CLCN7: variants seen among roughly 807,000 people sequenced by gnomAD.
CLCN7 encodes Cl-/H+ antiporter 7.
A neutral mutation model predicts 102.1 loss-of-function variants in CLCN7; 60 were observed. The ratio of observed to expected loss-of-function variants is 0.59; its 90% CI spans 0.48 to 0.73. CLCN7 has a LOEUF of 0.73. CLCN7 is among the 30% of genes least tolerant of loss of function. CLCN7 has a pLI of 0.00. For synonymous variants in CLCN7, 560 were observed against 490.5 expected (o/e 1.14, Z -1.87); for missense variants, 962 against 1,125.7 (o/e 0.85, Z 2.08).
Position 1,447,693 on chromosome 16 carries a change from T to C in CLCN7, c.2035A>G (p.Ile679Val). 6.4e-7 allele frequency: 1 copy of C among 1,556,294 alleles called. No homozygotes were observed. The highest frequency in any genetic ancestry group is 8.7e-7 in the Non-Finnish European group (1 of 1,150,536). ...AGAACGATGAGCTGGGAGCGCAGGATCAGGCCCTGGAGCCGGGCAGGCTGC... is the reference window on the plus strand; with the variant it reads ...AGAACGATGAGCTGGGAGCGCAGGACCAGGCCCTGGAGCCGGGCAGGCTGC... ...DTQPARLQGL[I>V]LRSQLIVLLK... The change falls in exon 22 of 25, where the codon ATC becomes GTC. Residue 679 changes from isoleucine (I) to valine (V), a missense_variant. By Grantham distance (29) the Ile-to-Val change is conservative. This residue lies in a region of CLCN7 where 799 missense variants were observed against 988.0 expected (regional missense o/e 0.81). Coordinates refer to ENST00000382745, the MANE Select transcript of CLCN7 (RefSeq NM_001287.6).
chr16:1,472,375 C>G (rs1596232263), intron 1 of CLCN7, among the ~76,000 whole-genome samples: 1 of 152,164 alleles, frequency 6.6e-6, no homozygotes, highest in South Asian at 2.1e-4. Flanking sequence ...GGATTACAGG[C>G]GCTCACCACT....
chr16:1,452,664 G>GCC, intron 15 of CLCN7, 91 bp downstream of exon 15: 1 of 1,387,120 alleles, frequency 7.2e-7, no homozygotes, highest in Non-Finnish European at 9.8e-7. Flanking sequence ...GGCGGGGTGG[G>GCC]CAGCCCTCCT....
intron 16 of CLCN7, 54 bp from the exon 17 acceptor site, chr16:1,450,720 TGC>T: frequency 8.1e-7 from 1 of 1,228,480 alleles, no homozygotes; most frequent in Non-Finnish European, 1.1e-6. Context: ...TCCGCAGGAC[TGC>T]CCTGCCCCGC....
intron 1 of CLCN7, chr16:1,472,834 C>G (rs972094203): frequency 2.3e-4 from 34 of 149,320 alleles, no homozygotes; most frequent in African/African-American, 7.8e-4. Context: ...AAAAAAGCAC[C>G]TCACTGCAGC....
chr16:1,464,059 T>C (rs1275541426), intron 2 of CLCN7, among the ~76,000 whole-genome samples: 1 of 151,952 alleles, frequency 6.6e-6, no homozygotes, highest in East Asian at 1.9e-4. Context: ...ACGAATCACC[T>C]CCCTTGGCCA....
intron 21 of CLCN7, 52 bp from the exon 22 acceptor site, chr16:1,447,766 G>A (rs762311049): frequency 2.4e-5 from 36 of 1,526,754 alleles, no homozygotes; most frequent in East Asian, 7.4e-5. Flanking sequence ...GGGAGGCTGC[G>A]CTGGAATGCT....
chr16:1,447,748 C>T, intron 21 of CLCN7, 34 bp from the exon 22 acceptor site: 4 of 1,547,860 alleles, frequency 2.6e-6, no homozygotes, highest in Non-Finnish European at 3.5e-6. Flanking sequence ...GGCCACGGGC[C>T]CGAGGGTGGG....
At chr16:1,467,942 G>C (rs1321754612) in intron 1 of CLCN7, 1 of 152,214 alleles carries the variant, frequency 6.6e-6, no homozygotes, top group Non-Finnish European at 1.5e-5. Context: ...AATCAGCAAG[G>C]CATGGTGGCG....
At chr16:1,472,333 C>T (rs917209405) in intron 1 of CLCN7, among the ~76,000 whole-genome samples, 9 of 152,204 alleles carry the variant, frequency 5.9e-5, no homozygotes, top group Admixed American at 1.3e-4. Context: ...TGGGTTCAAG[C>T]GATTCTCCTG....
rs1028581657 is a variant in CLCN7, at chr16:1,460,906, G to A, written c.394C>T (p.Leu132Phe). 1.9e-6 allele frequency: 3 copies of A among 1,613,954 alleles called. No individual in the cohort carries two copies. Among genetic ancestry groups the A allele is most frequent in the Non-Finnish European group, 2.5e-6 (3 of 1,179,944 alleles). The change falls in exon 5 of 25, where the codon CTC becomes TTC. Residue 132 changes from leucine to phenylalanine, a missense_variant. By Grantham distance (22) the Leu-to-Phe change is conservative (BLOSUM62 0). Coordinates refer to ENST00000382745, the MANE Select transcript of CLCN7 (RefSeq NM_001287.6). ...VEIKRWVICA[L>F]IGILTGLVAC... ...ACGAGGCCCGTGAGGATCCCAATGA[G>A]GGCGCAGATGACCCAGCGCTTGATC... is the stretch of plus-strand genomic sequence containing the variant.
chr16:1,449,203 C>A (rs991897620), intron 18 of CLCN7, 73 bp downstream of exon 18: 125 of 1,573,042 alleles, frequency 7.9e-5, no homozygotes, highest in Non-Finnish European at 1.0e-4. Flanking sequence ...AGACCCTAGC[C>A]CCGCAAGGAC....
At position 1,461,393 on chromosome 16, in the gene CLCN7, C is replaced by T. The variant is rs371035809; in HGVS notation, c.351+12G>A. 3.4e-5 allele frequency: 52 copies of T among 1,547,870 alleles called. No individual in the cohort carries two copies. The highest frequency in any genetic ancestry group is 2.3e-4 in the Middle Eastern group (1 of 4,388). On this transcript the variant is annotated intron_variant, in intron 4 of 24. Transcript: ENST00000382745. ...CACCGTGGGGCCCTGCAGGGAGCGG[C>T]GTCCAGCTCACCGTGTGATTGATCC...
At chr16:1,473,108 GGCATAC>G (rs2039099888) in intron 1 of CLCN7, among the ~76,000 whole-genome samples, 1 of 150,300 alleles carries the variant, frequency 6.7e-6, no homozygotes, top group Admixed American at 6.7e-5. Flanking sequence ...CACACACAGA[GGCATAC>G]ACATACACAC....
chr16:1,461,730 G>C, intron 2 of CLCN7, 56 bp from the exon 3 acceptor site: 1 of 1,444,942 alleles, frequency 6.9e-7, no homozygotes, highest in Non-Finnish European at 9.7e-7. Flanking sequence ...CAAGGAGAGA[G>C]GCCCCTCTCA....
At position 1,448,980 on chromosome 16, in the gene CLCN7, C is replaced by T. The variant is rs1162943930; in HGVS notation, c.1783G>A (p.Asp595Asn). The change falls in exon 19 of 25, where the codon GAC becomes AAC. Residue 595 changes from aspartate to asparagine, a missense_variant. Coordinates refer to ENST00000382745, the MANE Select transcript of CLCN7 (RefSeq NM_001287.6). Reference sequence around the variant, plus strand: ...CCCTGGCGCACCTCAATGAAGACGTCGCCCACGATCTTGGCGGTCATGAGC... The same window carrying T: ...CCCTGGCGCACCTCAATGAAGACGTTGCCCACGATCTTGGCGGTCATGAGC... ...LVLMTAKIVGDVFIEGLYDMH... is the reference protein window; with the variant it reads ...LVLMTAKIVGNVFIEGLYDMH... The T allele has an allele frequency of 3.1e-6, 5 of 1,612,578 alleles. No individual in the cohort carries two copies. Among genetic ancestry groups the T allele is most frequent in the African/African-American group, 2.7e-5 (2 of 74,914 alleles).
Position 1,446,028 on chromosome 16 carries a change from C to T in CLCN7, c.*603G>A, listed in dbSNP as rs559911117. The T allele has an allele frequency of 1.4e-5, 8 of 555,438 alleles. No homozygotes were observed. Among genetic ancestry groups the T allele is most frequent in the East Asian group, 3.0e-5 (1 of 32,994 alleles). 34.4% of individuals were successfully genotyped at this position (555,438 alleles called of 1,614,324 possible). On this transcript the variant is annotated 3_prime_UTR_variant, in exon 25 of 25. Coordinates refer to ENST00000382745, the MANE Select transcript of CLCN7 (RefSeq NM_001287.6). ...CTGTGTACCCAAGCCGGATGCAGGC[C>T]GGGGAGTGCACGTGGGGCTCCTCTG...
chr16:1,465,064 T>C (rs979734736), intron 2 of CLCN7, among the ~76,000 whole-genome samples: 2 of 152,140 alleles, frequency 1.3e-5, no homozygotes, highest in South Asian at 2.1e-4. Flanking sequence ...TCCTGCGCCC[T>C]GCACTCCTCC....
intron 1 of CLCN7, among the ~76,000 whole-genome samples, chr16:1,473,370 CTTTTTT>C (rs779736867): frequency 7.8e-5 from 6 of 76,682 alleles, no homozygotes; most frequent in Non-Finnish European, 1.1e-4. Context: ...CCTTCCTAAA[CTTTTTT>C]TTTTTTTTTT....
chr16:1,464,555 G>A (rs992373882), intron 2 of CLCN7, among the ~76,000 whole-genome samples: 9 of 152,262 alleles, frequency 5.9e-5, no homozygotes, highest in South Asian at 4.1e-4. Flanking sequence ...CCTCGGGAGC[G>A]ACTGCGGCAG....
Sources: allele counts gnomAD v4.1 joint callset (sites outside exome capture counted in the v4.1 genomes callset), GRCh38; gene constraint gnomAD v4.1.1; regional missense constraint gnomAD v4.1.1; transcripts MANE v1.5; gene names NCBI Gene and HGNC (gene_info 2026-07-23, HGNC 2026-07-21).